Variants in SEZ6L observed in about 807,000 individuals in gnomAD.
SEZ6L encodes seizure 6-like protein.
SEZ6L carries 37 observed loss-of-function variants against 106.2 expected under a neutral mutation model. The observed-to-expected ratio is 0.35, with a 90% CI of 0.27 to 0.46. The LOEUF (loss-of-function observed/expected upper bound fraction) is 0.46. Ranked by LOEUF, SEZ6L falls within the 20% of genes least tolerant of loss-of-function variation. The pLI is 1.00. For synonymous variants in SEZ6L, 541 were observed against 570.4 expected, an observed-to-expected ratio of 0.95 and a Z score of 0.73; for missense variants, 1,172 against 1,332.8, an observed-to-expected ratio of 0.88 and a Z score of 1.88.
At chr22:26,213,617 T>G (rs2078221582) in intron 1 of SEZ6L, among the ~76,000 whole-genome samples, 1 of 152,238 alleles carries the variant, frequency 6.6e-6, no homozygotes, top group Non-Finnish European at 1.5e-5. Context: ...GGATTAAACC[T>G]TCCCTTCTCT....
At chr22:26,279,300 G>A (rs535422520) in intron 1 of SEZ6L, among the ~76,000 whole-genome samples, 2 of 152,300 alleles carry the variant, frequency 1.3e-5, no homozygotes, top group South Asian at 4.2e-4. Flanking sequence ...TGAACTGCCT[G>A]TGGGAGAATG....
intron 9 of SEZ6L, among the ~76,000 whole-genome samples, chr22:26,319,993 G>A (rs2082110427): frequency 6.6e-6 from 1 of 152,146 alleles, no homozygotes; most frequent in African/African-American, 2.4e-5. Flanking sequence ...CTGGGGACAT[G>A]GCCTCCATTT....
Position 26,310,666 on chromosome 22 carries a change from C to T in SEZ6L, c.1515-4C>T. 1.2e-6 allele frequency: 2 copies of T among 1,614,042 alleles called. No individual in the cohort carries two copies. Among genetic ancestry groups the T allele is most frequent in the East Asian group, 2.2e-5 (1 of 44,884 alleles). Reference sequence around the variant, plus strand: ...GTGTCCCTCCTCTCTGCTCCCACTGCCAGGATGACGGTTCACAGCGGGCAG... The same window carrying T: ...GTGTCCCTCCTCTCTGCTCCCACTGTCAGGATGACGGTTCACAGCGGGCAG... On this transcript the variant is annotated splice_polypyrimidine_tract_variant and splice_region_variant and intron_variant, in intron 6 of 16. Coordinates refer to ENST00000248933, the MANE Select transcript of SEZ6L (RefSeq NM_021115.5).
chr22:26,256,740 C>A (rs1207392), intron 1 of SEZ6L, among the ~76,000 whole-genome samples: 32,466 of 152,116 alleles, frequency 0.21, 4,046 homozygotes, highest in South Asian at 0.32. Context: ...AAATCTCAGA[C>A]CCTTCCGCAG....
rs202010195 is a variant in SEZ6L, at chr22:26,373,475, C to G, written c.2819C>G (p.Ala940Gly). 1.3e-6 allele frequency: 2 copies of G among 1,589,892 alleles called. No homozygotes were observed. The highest frequency in any genetic ancestry group is 3.6e-5 in the Admixed American group (2 of 56,176). The change falls in exon 14 of 17, where the codon GCT (alanine) becomes GGT (glycine). Residue 940 changes from alanine to glycine, a missense_variant. Transcript: ENST00000248933. ...GTTAATCAAGACAGTTTTGAACATGCTTTAGAAGGTGAGTTCCAGAACGAA... is the reference window on the plus strand; with the variant it reads ...GTTAATCAAGACAGTTTTGAACATGGTTTAGAAGGTGAGTTCCAGAACGAA... Reference protein sequence around the residue: ...CKVNQDSFEHALEVAEAAAET... With the variant: ...CKVNQDSFEHGLEVAEAAAET...
intron 9 of SEZ6L, among the ~76,000 whole-genome samples, chr22:26,323,684 G>A (rs1002973965): frequency 3.9e-5 from 6 of 152,118 alleles, no homozygotes; most frequent in Non-Finnish European, 8.8e-5. Context: ...TAAGGTTTCT[G>A]ACACAAGATA....
intron 16 of SEZ6L, among the ~76,000 whole-genome samples, chr22:26,378,459 A>T (rs1314814309): frequency 6.6e-6 from 1 of 152,214 alleles, no homozygotes; most frequent in African/African-American, 2.4e-5. Context: ...CTTAATCATG[A>T]TGCTATCTTG....
chr22:26,187,537 G>C lies in SEZ6L; in HGVS notation c.94+17774G>C, dbSNP rs183586813. On this transcript the variant is annotated intron_variant, in intron 1 of 16. Transcript: ENST00000248933. ...AGGATTCCCAGCCTTTGACCCTTTG[G>C]CTGTGTCTAAAACCTCCAACTCATC... 4.6e-5 allele frequency among the ~76,000 whole-genome samples: 7 copies of C among 152,282 alleles called. No individual in the cohort carries two copies. In the South Asian group the frequency reaches 8.3e-4, roughly 18 times the overall value.
At chr22:26,260,586 T>TTATA (rs752353554) in intron 1 of SEZ6L, among the ~76,000 whole-genome samples, 2 of 151,338 alleles carry the variant, frequency 1.3e-5, no homozygotes, top group African/African-American at 4.8e-5. Flanking sequence ...GATATAGACA[T>TTATA]TATATATATA....
intron 9 of SEZ6L, among the ~76,000 whole-genome samples, chr22:26,315,981 G>A (rs2081985826): frequency 6.6e-6 from 1 of 152,022 alleles, no homozygotes; most frequent in Non-Finnish European, 1.5e-5. Flanking sequence ...CTTGAGCCCT[G>A]GAGTTCCAGG....
chr22:26,348,612 A>AAAAG (rs1175520871), intron 11 of SEZ6L, among the ~76,000 whole-genome samples: 301 of 21,744 alleles, frequency 0.014, 27 homozygotes, highest in East Asian at 0.033. Context: ...AAGAAAGAGA[A>AAAAG]AAAGAAAGAA....
At chr22:26,374,914 C>T (rs930082538) in intron 14 of SEZ6L, among the ~76,000 whole-genome samples, 2 of 152,196 alleles carry the variant, frequency 1.3e-5, no homozygotes, top group East Asian at 3.9e-4. Context: ...TCAAAACGGG[C>T]CTTCATATTT....
At chr22:26,176,989 T>G (rs1222818283) in intron 1 of SEZ6L, among the ~76,000 whole-genome samples, 1 of 152,200 alleles carries the variant, frequency 6.6e-6, no homozygotes, top group African/African-American at 2.4e-5. Flanking sequence ...CAATGAACTC[T>G]TAGAAAACCT....
At chr22:26,315,878 T>A (rs914631770) in intron 9 of SEZ6L, among the ~76,000 whole-genome samples, 3 of 152,022 alleles carry the variant, frequency 2.0e-5, no homozygotes, top group Admixed American at 2.0e-4. Context: ...GGCAACATAG[T>A]GAGACCCCAT....
rs566367802 is a variant in SEZ6L at position 26,286,141 on chromosome 22, A to T, written c.95-6265A>T. Among the ~76,000 whole-genome samples, 99 of 152,328 alleles carry T rather than the reference A, an allele frequency of 6.5e-4. 1 individual carries two copies. The highest frequency in any genetic ancestry group is 1.1e-3 in the Non-Finnish European group (78 of 68,018). On this transcript the variant is annotated intron_variant, in intron 1 of 16. Coordinates refer to ENST00000248933, the MANE Select transcript of SEZ6L (RefSeq NM_021115.5). ...AGTACCTTTTACCAAAAGTACATCC[A>T]TTGATTCACCTGTCAGTCCTGCGTC...
chr22:26,327,135 C>T (rs977677332), intron 9 of SEZ6L, among the ~76,000 whole-genome samples: 1 of 152,052 alleles, frequency 6.6e-6, no homozygotes, highest in South Asian at 2.1e-4. Flanking sequence ...GCTCTGTCAA[C>T]TCTTCCTCCA....
intron 1 of SEZ6L, among the ~76,000 whole-genome samples, chr22:26,208,288 C>T (rs1361518882): frequency 6.6e-6 from 1 of 152,192 alleles, no homozygotes. Flanking sequence ...ATACTGACAA[C>T]TTCCAATGCT....
At chr22:26,281,776 A>G (rs1333399865) in intron 1 of SEZ6L, among the ~76,000 whole-genome samples, 1 of 152,080 alleles carries the variant, frequency 6.6e-6, no homozygotes, top group Non-Finnish European at 1.5e-5. Context: ...TTTGACCAAC[A>G]TCTCCTTAAT....
chr22:26,200,857 T>A (rs1358917667), intron 1 of SEZ6L, among the ~76,000 whole-genome samples: 1 of 152,114 alleles, frequency 6.6e-6, no homozygotes, highest in Non-Finnish European at 1.5e-5. Flanking sequence ...ACCACGTGGA[T>A]GACTCACTAT....
Sources: allele counts gnomAD v4.1 joint callset (sites outside exome capture counted in the v4.1 genomes callset), GRCh38; gene constraint gnomAD v4.1.1; transcripts MANE v1.5; gene names NCBI Gene and HGNC (gene_info 2026-07-23, HGNC 2026-07-21).